The following ATXN1 variants were observed in gnomAD, a reference collection of about 807,000 sequenced individuals.
ATXN1 encodes ataxin-1.
A neutral mutation model predicts 56.4 loss-of-function variants in ATXN1; 8 were observed. That is an observed-to-expected ratio of 0.14 (90% CI 0.08 to 0.26). The LOEUF is 0.26. Ranked by LOEUF, ATXN1 falls within the 10% of genes least tolerant of loss-of-function variation. The pLI, the probability that ATXN1 is intolerant of heterozygous loss-of-function variation, is 1.00. For missense variants in ATXN1, 987 were observed against 1,106.5 expected, an observed-to-expected ratio of 0.89 and a Z score of 1.53; for synonymous variants, 514 against 494.6, an observed-to-expected ratio of 1.04 and a Z score of -0.52.
At chr6:16,680,884 T>C (rs1758799744) in intron 2 of ATXN1, among the ~76,000 whole-genome samples, 1 of 152,178 alleles carries the variant, frequency 6.6e-6, no homozygotes, top group Admixed American at 6.5e-5. Context: ...ATTCCACCCT[T>C]CATTATTTCT....
chr6:16,576,440 T>C (rs1336830742), intron 4 of ATXN1, among the ~76,000 whole-genome samples: 2 of 152,096 alleles, frequency 1.3e-5, no homozygotes, highest in Non-Finnish European at 2.9e-5. Context: ...ACAAGGAAAA[T>C]ACACTGCCTT....
chr6:16,324,607 A>C (rs1223866495), intron 7 of ATXN1, among the ~76,000 whole-genome samples: 2 of 152,218 alleles, frequency 1.3e-5, no homozygotes, highest in Non-Finnish European at 2.9e-5. Context: ...ATGTTTTCAA[A>C]TCCTAGATGG....
intron 5 of ATXN1, among the ~76,000 whole-genome samples, chr6:16,519,370 T>C (rs1004497558): frequency 2.8e-4 from 43 of 152,244 alleles, no homozygotes; most frequent in African/African-American, 9.2e-4. Context: ...TCAAGGATTA[T>C]ATAGATGAGG....
At chr6:16,634,208 T>A (rs1038084663) in intron 3 of ATXN1, among the ~76,000 whole-genome samples, 1 of 152,228 alleles carries the variant, frequency 6.6e-6, no homozygotes, top group Non-Finnish European at 1.5e-5. Flanking sequence ...TAACCCCATC[T>A]AGTTCTGGCA....
At chr6:16,407,541 T>G (rs1317415211) in intron 6 of ATXN1, among the ~76,000 whole-genome samples, 4 of 152,246 alleles carry the variant, frequency 2.6e-5, no homozygotes, top group Non-Finnish European at 5.9e-5. Flanking sequence ...ACATCTGGTT[T>G]GCTTATATAG....
intron 4 of ATXN1, among the ~76,000 whole-genome samples, chr6:16,549,379 A>G (rs1761874262): frequency 6.6e-6 from 1 of 152,214 alleles, no homozygotes; most frequent in Non-Finnish European, 1.5e-5. Flanking sequence ...TACAATGGCT[A>G]CAACATTACT....
intron 6 of ATXN1, among the ~76,000 whole-genome samples, chr6:16,335,221 C>G (rs111253148): frequency 1.1e-4 from 16 of 152,264 alleles, no homozygotes; most frequent in African/African-American, 3.9e-4. Flanking sequence ...TTGACCTTCT[C>G]TTCCATGTCT....
At chr6:16,442,054 GA>G (rs1006355980) in intron 6 of ATXN1, among the ~76,000 whole-genome samples, 3 of 151,562 alleles carry the variant, frequency 2.0e-5, no homozygotes, top group Non-Finnish European at 2.9e-5. Flanking sequence ...ACCTAGGAAA[GA>G]AAACAAAAAA....
intron 6 of ATXN1, among the ~76,000 whole-genome samples, chr6:16,409,293 A>AC (rs1758749396): frequency 6.9e-6 from 1 of 145,700 alleles, no homozygotes; most frequent in South Asian, 2.2e-4. Flanking sequence ...TCTTTATGAA[A>AC]CTAAAAAAAA....
At chr6:16,493,833 T>C (rs999212779) in intron 5 of ATXN1, among the ~76,000 whole-genome samples, 1 of 152,200 alleles carries the variant, frequency 6.6e-6, no homozygotes, top group East Asian at 1.9e-4. Flanking sequence ...AAGGAAACTG[T>C]GCAGTCCCTC....
chr6:16,582,937 C>T (rs1762555113), intron 4 of ATXN1, among the ~76,000 whole-genome samples: 10 of 152,210 alleles, frequency 6.6e-5, no homozygotes, highest in Admixed American at 6.5e-4. Flanking sequence ...TACCTACACT[C>T]ATGAGGTGCC....
At chr6:16,683,772 C>T (rs578166226) in intron 2 of ATXN1, among the ~76,000 whole-genome samples, 1 of 152,204 alleles carries the variant, frequency 6.6e-6, no homozygotes, top group African/African-American at 2.4e-5. Flanking sequence ...TGGCAAATTG[C>T]TCTGCCGCCA....
Position 16,434,338 on chromosome 6 carries a change from C to T in ATXN1, c.-161+51634G>A, listed in dbSNP as rs370925869. On this transcript the variant is annotated intron_variant, in intron 6 of 7. Transcript: ENST00000436367. ...CAATTATCTGTGCTACCTCAGCCTC[C>T]GTTGGCATGGATGGGCGAGGAGGTG... 5.9e-5 allele frequency among the ~76,000 whole-genome samples: 9 copies of T among 152,168 alleles called. No homozygotes were observed. In the South Asian group the frequency reaches 6.2e-4, roughly 11 times the overall value.
chr6:16,422,400 C>A (rs1022247791), intron 6 of ATXN1, among the ~76,000 whole-genome samples: 1 of 152,178 alleles, frequency 6.6e-6, no homozygotes, highest in Admixed American at 6.5e-5. Flanking sequence ...ACTTCTAAGA[C>A]CTTTGCCTTA....
At chr6:16,601,996 A>G (rs1166654444) in intron 3 of ATXN1, among the ~76,000 whole-genome samples, 1 of 152,192 alleles carries the variant, frequency 6.6e-6, no homozygotes, top group African/African-American at 2.4e-5. Flanking sequence ...CTCAAATCAT[A>G]AATCTTAAAG....
At chr6:16,430,710 TGTGTGTGTGTGTGCGC>T (rs1164277419) in intron 6 of ATXN1, among the ~76,000 whole-genome samples, 3 of 147,658 alleles carry the variant, frequency 2.0e-5, no homozygotes, top group Non-Finnish European at 4.5e-5. Flanking sequence ...GCTGCTGGTG[TGTGTGTGTGTGTGCGC>T]GTGTGTGTGT....
intron 3 of ATXN1, among the ~76,000 whole-genome samples, chr6:16,627,583 C>T (rs1388720112): frequency 1.3e-5 from 2 of 151,968 alleles, no homozygotes; most frequent in Non-Finnish European, 2.9e-5. Context: ...AAACATTAGC[C>T]GGGTGTGGTG....
intron 7 of ATXN1, among the ~76,000 whole-genome samples, chr6:16,315,643 A>G (rs1235477261): frequency 6.6e-6 from 1 of 152,170 alleles, no homozygotes; most frequent in African/African-American, 2.4e-5. Context: ...ATTTAAAATA[A>G]CAACCCTCTA....
At chr6:16,442,366 C>T (rs529376297) in intron 6 of ATXN1, among the ~76,000 whole-genome samples, 2 of 152,028 alleles carry the variant, frequency 1.3e-5, no homozygotes, top group Non-Finnish European at 2.9e-5. Flanking sequence ...ACTGGGTGAG[C>T]ATTTAACACA....
Sources: allele counts gnomAD v4.1 joint callset (sites outside exome capture counted in the v4.1 genomes callset), GRCh38; gene constraint gnomAD v4.1.1; transcripts MANE v1.5; gene names NCBI Gene and HGNC (gene_info 2026-07-23, HGNC 2026-07-21).